Variants in NRXN1 observed in about 807,000 individuals in gnomAD.
NRXN1 encodes neurexin 1.
In NRXN1, 39 loss-of-function variants were observed where a neutral mutation model predicts 150.9. That is an observed-to-expected ratio of 0.26 (90% CI 0.20 to 0.34). The LOEUF (loss-of-function observed/expected upper bound fraction) is 0.34, where lower values mean the gene tolerates loss of function less well. Among genes scored for constraint, NRXN1 ranks in the 10% least tolerant of loss-of-function variants. The pLI, the probability that NRXN1 is intolerant of heterozygous loss-of-function variation, is 1.00. For missense variants in NRXN1, 1,815 were observed against 1,949.9 expected (o/e 0.93, Z 1.30); for synonymous variants, 924 against 757.0 (o/e 1.22, Z -3.62).
chr2:50,945,070 T>C (rs1398798308), intron 2 of NRXN1, among the ~76,000 whole-genome samples: 1 of 152,180 alleles, frequency 6.6e-6, no homozygotes, highest in African/African-American at 2.4e-5. Flanking sequence ...TGGCAAACTT[T>C]TCTACAAAGG....
intron 5 of NRXN1, among the ~76,000 whole-genome samples, chr2:50,805,811 A>C (rs768414367): frequency 1.8e-4 from 27 of 152,166 alleles, no homozygotes; most frequent in Non-Finnish European, 2.9e-4. Flanking sequence ...GCTTTGGTGC[A>C]TTATAATCCC....
chr2:50,616,483 C>G (rs1381916748), intron 8 of NRXN1: 1 of 151,876 alleles, frequency 6.6e-6, no homozygotes, highest in African/African-American at 2.4e-5. Flanking sequence ...GAGTGATTTC[C>G]TTTTTTTTCT....
chr2:50,752,267 G>GT (rs1353500572), intron 5 of NRXN1, among the ~76,000 whole-genome samples: 1 of 151,832 alleles, frequency 6.6e-6, no homozygotes, highest in South Asian at 2.1e-4. Context: ...CTTCTCTAAG[G>GT]TTCACAACAC....
intron 17 of NRXN1, among the ~76,000 whole-genome samples, chr2:50,331,672 T>C (rs980019589): frequency 6.6e-5 from 10 of 152,270 alleles, no homozygotes; most frequent in South Asian, 6.2e-4. Flanking sequence ...AATGTGAAGG[T>C]ATCAGGTTTT....
intron 21 of NRXN1, among the ~76,000 whole-genome samples, chr2:49,961,196 C>T (rs1340377971): frequency 6.6e-6 from 1 of 151,982 alleles, no homozygotes; most frequent in Admixed American, 6.5e-5. Context: ...CCAGTATCTC[C>T]TGCATTTTGT....
intron 21 of NRXN1, among the ~76,000 whole-genome samples, chr2:49,949,408 G>A (rs1179015171): frequency 6.6e-6 from 1 of 151,888 alleles, no homozygotes; most frequent in South Asian, 2.1e-4. Context: ...AGGAAAGCAC[G>A]AATAAACCCA....
At chr2:50,248,177 C>G (rs968303283) in intron 17 of NRXN1, among the ~76,000 whole-genome samples, 1 of 151,880 alleles carries the variant, frequency 6.6e-6, no homozygotes, top group African/African-American at 2.4e-5. Context: ...CCATACTTGG[C>G]GAATTTTTTA....
At chr2:50,697,460 G>C (rs1173612282) in intron 5 of NRXN1, among the ~76,000 whole-genome samples, 1 of 152,178 alleles carries the variant, frequency 6.6e-6, no homozygotes, top group Non-Finnish European at 1.5e-5. Context: ...GTCAGATAGA[G>C]AAATGGATTT....
intron 17 of NRXN1, among the ~76,000 whole-genome samples, chr2:50,278,415 G>A (rs778739024): frequency 6.7e-6 from 1 of 148,246 alleles, no homozygotes; most frequent in African/African-American, 2.5e-5. Context: ...GCCTCCCAAA[G>A]TGCTGGGATT....
chr2:50,173,044 G>A (rs79136872), intron 18 of NRXN1, among the ~76,000 whole-genome samples: 122,603 of 152,224 alleles, frequency 0.81, 49,902 homozygotes, highest in African/African-American at 0.92. Flanking sequence ...ACATATACGC[G>A]CAATCTATAT....
chr2:50,097,390 T>C (rs146736811), intron 18 of NRXN1, among the ~76,000 whole-genome samples: 122 of 152,260 alleles, frequency 8.0e-4, no homozygotes, highest in Non-Finnish European at 1.4e-3. Context: ...TTGTACTCAT[T>C]TCAGAATACA....
chr2:50,772,776 T>C (rs1418705111), intron 5 of NRXN1, among the ~76,000 whole-genome samples: 12 of 152,088 alleles, frequency 7.9e-5, no homozygotes, highest in Non-Finnish European at 7.4e-5. Flanking sequence ...ATGTAAAAAA[T>C]TGGCAGGAAC....
rs527955361 is a variant in NRXN1, at chr2:50,502,593, T to C, written c.2497+3902A>G. 5.9e-5 allele frequency among the ~76,000 whole-genome samples: 9 copies of C among 152,288 alleles called. No homozygotes were observed. The South Asian group carries it at 8.3e-4, about 14-fold the overall frequency. ...TTTGAAACTATTTTAGATGCATTAT[T>C]GGATTAAGCAAATCAATAAATGACA... On this transcript the variant is annotated intron_variant, in intron 13 of 22. Transcript: ENST00000401669.
At chr2:50,881,401 T>A (rs948431286) in intron 5 of NRXN1, among the ~76,000 whole-genome samples, 1 of 152,108 alleles carries the variant, frequency 6.6e-6, no homozygotes, top group African/African-American at 2.4e-5. Context: ...TCTGGCATGG[T>A]CAATGTTATT....
At chr2:50,003,355 A>G (rs1215490506) in intron 21 of NRXN1, among the ~76,000 whole-genome samples, 5 of 152,102 alleles carry the variant, frequency 3.3e-5, no homozygotes, top group Non-Finnish European at 7.4e-5. Context: ...AAGTATCTCT[A>G]TTTGTAATGC....
At chr2:50,012,027 CAG>C (rs1233520258) in intron 21 of NRXN1, among the ~76,000 whole-genome samples, 1 of 151,946 alleles carries the variant, frequency 6.6e-6, no homozygotes, top group African/African-American at 2.4e-5. Context: ...CATAATAGCC[CAG>C]GGTCAATATG....
chr2:50,171,285 T>C (rs548034826), intron 18 of NRXN1, among the ~76,000 whole-genome samples: 2 of 152,074 alleles, frequency 1.3e-5, no homozygotes, highest in East Asian at 1.9e-4. Flanking sequence ...ATTTTATATA[T>C]ATATATATTT....
At chr2:50,631,868 C>T (rs1369929275) in intron 5 of NRXN1, among the ~76,000 whole-genome samples, 2 of 151,820 alleles carry the variant, frequency 1.3e-5, no homozygotes, top group Non-Finnish European at 2.9e-5. Context: ...CAAGTACCTA[C>T]AATGTAATCT....
rs554328230 is a variant in NRXN1, at chr2:50,769,627, C to T, written c.833-146012G>A. On this transcript the variant is annotated intron_variant, in intron 5 of 22. Coordinates refer to ENST00000401669, the MANE Select transcript of NRXN1 (RefSeq NM_001330078.2). The stretch of plus-strand genomic sequence containing the variant: ...AACCACGGGACCCGTTGCCTGGAAA[C>T]GGCCTGATTACAACGAACTCACTAG... 4.6e-5 allele frequency among the ~76,000 whole-genome samples: 7 copies of T among 152,150 alleles called. No individual in the cohort carries two copies. The East Asian group carries it at 5.8e-4, about 13-fold the overall frequency.
Sources: allele counts gnomAD v4.1 joint callset (sites outside exome capture counted in the v4.1 genomes callset), GRCh38; gene constraint gnomAD v4.1.1; transcripts MANE v1.5; gene names NCBI Gene and HGNC (gene_info 2026-07-23, HGNC 2026-07-21).